The following ACTR3C variants were observed in gnomAD, a reference collection of about 807,000 sequenced individuals.
The protein encoded by ACTR3C is actin related protein 3C.
In ACTR3C, 18 loss-of-function variants were observed where a neutral mutation model predicts 26.3. That is an observed-to-expected ratio of 0.68 (90% CI 0.47 to 1.01). The LOEUF is 1.01. Among genes scored for constraint, ACTR3C ranks in the 50% least tolerant of loss-of-function variants. ACTR3C has a pLI of 0.00. For synonymous variants in ACTR3C, 55 were observed against 94.5 expected (o/e 0.58, Z 2.42); for missense variants, 184 against 250.7 (o/e 0.73, Z 1.80).
chr7:150,222,607 G>A, the ACTR3C span, among the ~76,000 whole-genome samples: 1 of 152,210 alleles, frequency 6.6e-6, no homozygotes, highest in African/African-American at 2.4e-5. Context: ...CTCCATTATA[G>A]TGGAAGAGAG....
rs571206179 is a variant in ACTR3C at position 150,292,500 on chromosome 7, A to ATTTT, written c.153+808_153+811dup. Among the ~76,000 whole-genome samples the ATTTT allele has an allele frequency of 5.2e-4, 72 of 138,236 alleles. 1 individual carries two copies. Among genetic ancestry groups the ATTTT allele is most frequent in the African/African-American group, 1.8e-3 (67 of 36,328 alleles). The allele number at this position is 138,236 out of a possible 152,430, so 90.7% of individuals were successfully genotyped here. Reference sequence around the variant, plus strand: ...ACAATCTCCCCTTCTTGGCTTTTAAATTTTTTTTTTTTTTTTTTGAGACGG... The same window carrying ATTTT: ...ACAATCTCCCCTTCTTGGCTTTTAAATTTTTTTTTTTTTTTTTTTTTTGAGACGG... On this transcript the variant is annotated intron_variant, in intron 3 of 7. Transcript: ENST00000683684.
the ACTR3C span, among the ~76,000 whole-genome samples, chr7:149,993,267 T>C: frequency 6.6e-6 from 1 of 150,748 alleles, no homozygotes; most frequent in African/African-American, 2.4e-5. Flanking sequence ...CCAATCAAGT[T>C]GACAACTAAC....
At chr7:149,959,909 A>G in the ACTR3C span, among the ~76,000 whole-genome samples, 4 of 152,150 alleles carry the variant, frequency 2.6e-5, no homozygotes, top group African/African-American at 9.7e-5. Flanking sequence ...AACCCTATCT[A>G]TAGGTAAAGT....
the ACTR3C span, among the ~76,000 whole-genome samples, chr7:150,193,068 T>C: frequency 6.6e-6 from 1 of 152,212 alleles, no homozygotes; most frequent in Non-Finnish European, 1.5e-5. Flanking sequence ...TAGCAGACTT[T>C]GGAACATACC....
the ACTR3C span, among the ~76,000 whole-genome samples, chr7:150,036,021 G>A: frequency 3.4e-5 from 4 of 119,124 alleles, 1 homozygote; most frequent in African/African-American, 7.1e-5. Flanking sequence ...CAGCGATGGG[G>A]TCCTAAGAGC....
At chr7:150,007,055 G>C in the ACTR3C span, among the ~76,000 whole-genome samples, 1 of 152,164 alleles carries the variant, frequency 6.6e-6, no homozygotes, top group South Asian at 2.1e-4. Context: ...CAGGTCGGGG[G>C]ATAGCATTAC....
chr7:150,141,891 C>CCTCT, the ACTR3C span, among the ~76,000 whole-genome samples: 1 of 151,824 alleles, frequency 6.6e-6, no homozygotes, highest in African/African-American at 2.4e-5. Context: ...GAACAGAAGG[C>CCTCT]CTCTCTCTAC....
the ACTR3C span, among the ~76,000 whole-genome samples, chr7:150,024,507 C>T: frequency 0.25 from 35,936 of 144,242 alleles, 4,363 homozygotes; most frequent in East Asian, 0.43. Flanking sequence ...CCGACAGTTG[C>T]TTTCCTTCAT....
At chr7:150,000,829 G>A in the ACTR3C span, 4 of 137,982 alleles carry the variant, frequency 2.9e-5, no homozygotes, top group Admixed American at 1.5e-4. Flanking sequence ...GTCTCGCCTG[G>A]AACTTAGCTC....
At chr7:149,884,079 T>C in the ACTR3C span, among the ~76,000 whole-genome samples, 1 of 152,200 alleles carries the variant, frequency 6.6e-6, no homozygotes, top group Admixed American at 6.5e-5. Flanking sequence ...CCTCAGTTAA[T>C]TTTGGCTGCT....
the ACTR3C span, among the ~76,000 whole-genome samples, chr7:150,178,065 G>A: frequency 6.6e-6 from 1 of 150,452 alleles, no homozygotes; most frequent in Non-Finnish European, 1.5e-5. Context: ...AAAACACACT[G>A]CAATTAAATT....
At chr7:150,047,330 G>T in the ACTR3C span, among the ~76,000 whole-genome samples, 2 of 152,224 alleles carry the variant, frequency 1.3e-5, no homozygotes, top group Non-Finnish European at 2.9e-5. Flanking sequence ...TCCAGGGAAC[G>T]TAAGGCGAAT....
At chr7:150,266,487 C>A (rs927944433) in intron 6 of ACTR3C, among the ~76,000 whole-genome samples, 36 of 151,852 alleles carry the variant, frequency 2.4e-4, no homozygotes, top group Middle Eastern at 3.4e-3. Context: ...TTTGAAAAAC[C>A]ATTTTTTAAA....
At chr7:149,925,389 C>T in the ACTR3C span, among the ~76,000 whole-genome samples, 1 of 152,160 alleles carries the variant, frequency 6.6e-6, no homozygotes, top group Non-Finnish European at 1.5e-5. Flanking sequence ...GGAGGAACAA[C>T]AATCGAAAAC....
In ACTR3C at chr7:150,305,545, G is replaced by A. The variant is rs542983920; in HGVS notation, c.-51-10198C>T. On this transcript the variant is annotated intron_variant, in intron 1 of 7. Transcript: ENST00000683684. Reference sequence around the variant, plus strand: ...CAAGTCAGGTCCTCAGAGTCACCACGCCCTCTCATTGCTGGTCGTCTGCAT... The same window carrying A: ...CAAGTCAGGTCCTCAGAGTCACCACACCCTCTCATTGCTGGTCGTCTGCAT... Among the ~76,000 whole-genome samples, 13 of 152,236 alleles carry A rather than the reference G, an allele frequency of 8.5e-5. No homozygotes were observed. In the East Asian group the frequency reaches 2.5e-3, roughly 29 times the overall value.
the ACTR3C span, among the ~76,000 whole-genome samples, chr7:150,012,315 A>ATATTTTTTTTTTT: frequency 2.2e-5 from 2 of 92,018 alleles, no homozygotes; most frequent in South Asian, 4.3e-4. Flanking sequence ...TTATAAATGC[A>ATATTTTTTTTTTT]TCTTTTTTTT....
At chr7:149,910,203 C>T in the ACTR3C span, among the ~76,000 whole-genome samples, 31 of 132,168 alleles carry the variant, frequency 2.3e-4, no homozygotes, top group East Asian at 4.4e-3. Context: ...ATACAAACTT[C>T]CTGAACTTTG....
At chr7:149,976,121 A>G in the ACTR3C span, among the ~76,000 whole-genome samples, 2 of 152,198 alleles carry the variant, frequency 1.3e-5, no homozygotes, top group Non-Finnish European at 2.9e-5. Context: ...ACTGTTTCTA[A>G]TCAAGTGTAT....
At chr7:150,229,232 T>G in the ACTR3C span, among the ~76,000 whole-genome samples, 1 of 151,672 alleles carries the variant, frequency 6.6e-6, no homozygotes, top group East Asian at 1.9e-4. Flanking sequence ...TGAATAGGAG[T>G]GGTGAGAAGA....
Sources: allele counts gnomAD v4.1 joint callset (sites outside exome capture counted in the v4.1 genomes callset), GRCh38; gene constraint gnomAD v4.1.1; transcripts MANE v1.5; gene names NCBI Gene and HGNC (gene_info 2026-07-23, HGNC 2026-07-21).